DSN1: variants seen among roughly 807,000 people sequenced by gnomAD.
The protein encoded by DSN1 is kinetochore-associated protein DSN1 homolog.
Under a neutral mutation model 45.7 loss-of-function variants are expected in DSN1, and 31 were observed. The ratio of observed to expected loss-of-function variants is 0.68; its 90% CI spans 0.51 to 0.92. The LOEUF (loss-of-function observed/expected upper bound fraction) is 0.92. Ranked by LOEUF, DSN1 falls within the 40% of genes least tolerant of loss-of-function variation. The pLI is 0.00. For synonymous variants in DSN1, 134 were observed against 142.3 expected, an observed-to-expected ratio of 0.94 and a Z score of 0.41; for missense variants, 394 against 414.2, an observed-to-expected ratio of 0.95 and a Z score of 0.42.
rs1016413526 is a variant in DSN1, at chr20:36,771,518, G to A, written c.-15-45C>T. On this transcript the variant is annotated intron_variant, in intron 1 of 10. Coordinates refer to ENST00000373750, the MANE Select transcript of DSN1 (RefSeq NM_001145315.2). ...AGTGATCTGTTCTTCACGTTTCACT[G>A]CAGTCTCAATGGGGCTTTACAGCCC... 6.3e-6 allele frequency: 10 copies of A among 1,585,072 alleles called. No homozygotes were observed. In the Admixed American group the frequency reaches 1.5e-4, roughly 24 times the overall value.
At chr20:36,757,983 C>A in intron 8 of DSN1, 104 bp downstream of exon 8, 2 of 1,090,950 alleles carry the variant, frequency 1.8e-6, no homozygotes, top group Admixed American at 4.3e-5. Flanking sequence ...CTTATTGGCC[C>A]GTGAGAAAGG....
chr20:36,762,197 A>C (rs1268552744), intron 6 of DSN1, among the ~76,000 whole-genome samples: 1 of 143,116 alleles, frequency 7.0e-6, no homozygotes, highest in Non-Finnish European at 1.5e-5. Context: ...AGCTCCGCAT[A>C]CCGGGTTCAT....
chr20:36,771,945 A>C (rs1016485609), intron 1 of DSN1, among the ~76,000 whole-genome samples: 1 of 152,180 alleles, frequency 6.6e-6, no homozygotes, highest in Non-Finnish European at 1.5e-5. Flanking sequence ...CAGTAGCACA[A>C]TCTTGGCTCA....
intron 6 of DSN1, among the ~76,000 whole-genome samples, chr20:36,760,923 A>C (rs1601009720): frequency 6.6e-6 from 1 of 152,136 alleles, no homozygotes; most frequent in Admixed American, 6.6e-5. Flanking sequence ...TGCTACTTTA[A>C]ACTAAAATGT....
Position 36,770,908 on chromosome 20 carries a change from C to T in DSN1, c.320G>A (p.Arg107Gln), listed in dbSNP as rs769936599. 102 of 1,613,306 alleles carry T rather than the reference C, an allele frequency of 6.3e-5. 1 individual carries two copies. Among genetic ancestry groups the T allele is most frequent in the South Asian group, 2.2e-4 (20 of 91,058 alleles). The change falls in exon 3 of 11, where the codon CGG (arginine) becomes CAG (glutamine). Residue 107 changes from arginine (R) to glutamine (Q), a missense_variant. Transcript: ENST00000373750. ...RRASMKETNRRKSLHPIHQGI... is the reference protein window; with the variant it reads ...RRASMKETNRQKSLHPIHQGI... ...CTGGTGAATGGGATGCAGCGACTTC[C>T]GCCGGTTCGTTTCTTTCATACTTGC... is the stretch of plus-strand genomic sequence containing the variant.
At chr20:36,755,983 T>G (rs551239398) in intron 8 of DSN1, among the ~76,000 whole-genome samples, 154 bp from the exon 9 acceptor site, 18 of 151,474 alleles carry the variant, frequency 1.2e-4, no homozygotes, top group African/African-American at 2.9e-4. Context: ...TGTTTGTTTG[T>G]TTGTTTTTGA....
intron 8 of DSN1, 40 bp downstream of exon 8, chr20:36,758,047 A>AT: frequency 1.9e-6 from 3 of 1,569,964 alleles, no homozygotes; most frequent in Non-Finnish European, 2.6e-6. Flanking sequence ...ATCAAACTCC[A>AT]TAAGATTTTT....
chr20:36,753,415 A>T (rs1986483506), intron 10 of DSN1, among the ~76,000 whole-genome samples: 1 of 151,858 alleles, frequency 6.6e-6, no homozygotes. Flanking sequence ...ACATGGGCAG[A>T]TCACTTGCGG....
At chr20:36,763,261 TGGGCGTGGTGGTACACGCCTGTAATCCC>T (rs1987101547) in intron 5 of DSN1, among the ~76,000 whole-genome samples, 1 of 151,524 alleles carries the variant, frequency 6.6e-6, no homozygotes, top group Admixed American at 6.6e-5. Flanking sequence ...AAAATATACC[TGGGCGTGGTGGTACACGCCTGTAATCCC>T]GGCTACTCGG....
rs71186016 is a variant in DSN1, at chr20:36,763,410, G to GAAAA, written c.503-866_503-863dup. Among the ~76,000 whole-genome samples, 487 of 84,082 alleles carry GAAAA rather than the reference G, an allele frequency of 5.8e-3. 10 individuals carry two copies. The highest frequency in any genetic ancestry group is 9.3e-3 in the East Asian group (21 of 2,250). 55.2% of individuals were successfully genotyped at this position (84,082 alleles called of 152,430 possible). On this transcript the variant is annotated intron_variant, in intron 5 of 10. Transcript: ENST00000373750. ...AGAATGAGACTCTGTCTCAAAAAAAGAAAAAAAAAAAAAAAAAAAAAAAGA... is the reference window on the plus strand; with the variant it reads ...AGAATGAGACTCTGTCTCAAAAAAAGAAAAAAAAAAAAAAAAAAAAAAAAAAAGA...
chr20:36,754,930 C>A, intron 9 of DSN1, 80 bp from the exon 10 acceptor site: 2 of 1,206,426 alleles, frequency 1.7e-6, no homozygotes, highest in Non-Finnish European at 2.4e-6. Context: ...CAAGCTCTTG[C>A]TCAGGAGCTC....
rs6029310 is a variant in DSN1 at position 36,762,568 on chromosome 20, G to A, written c.503-20C>T. ...AAGATGCTAGACAGCACAAATTTACGTGTCATAAAATAAAGGAAATATACG... is the reference window on the plus strand; with the variant it reads ...AAGATGCTAGACAGCACAAATTTACATGTCATAAAATAAAGGAAATATACG... On this transcript the variant is annotated intron_variant, in intron 5 of 10. Coordinates refer to ENST00000373750, the MANE Select transcript of DSN1 (RefSeq NM_001145315.2). 40 of 1,603,922 alleles carry A rather than the reference G, an allele frequency of 2.5e-5. No individual in the cohort carries two copies. The highest frequency in any genetic ancestry group is 2.1e-4 in the African/African-American group (16 of 74,638).
rs150709630 is a variant in DSN1 at position 36,771,058 on chromosome 20, G to A, written c.170C>T (p.Ser57Phe). 2 of 1,614,076 alleles carry A rather than the reference G, an allele frequency of 1.2e-6. No homozygotes were observed. Among genetic ancestry groups the A allele is most frequent in the Non-Finnish European group, 1.7e-6 (2 of 1,180,052 alleles). Reference sequence around the variant, plus strand: ...ACAATTTCCCCCTTTTTTAGGGCTAGAGCCAAGGTGAATTCTTTCCTCTGA... The same window carrying A: ...ACAATTTCCCCCTTTTTTAGGGCTAAAGCCAAGGTGAATTCTTTCCTCTGA... ...GVSEERIHLG[S>F]SPKKGGNCDL... is the part of the protein sequence containing the mutation. The change falls in exon 3 of 11, where the codon TCT becomes TTT. Residue 57 changes from serine to phenylalanine, a missense_variant. Physicochemically the swap from Ser to Phe is radical, Grantham distance 155 (BLOSUM62 -2). Transcript: ENST00000373750.
intron 5 of DSN1, 28 bp downstream of exon 5, chr20:36,766,741 A>G: frequency 6.3e-7 from 1 of 1,595,844 alleles, no homozygotes; most frequent in Non-Finnish European, 8.6e-7. Context: ...GCCCAGGGTC[A>G]AAGCTCACTC....
chr20:36,751,936 C>T lies in DSN1; in HGVS notation c.*852G>A, dbSNP rs1231603208. The T allele has an allele frequency of 2.6e-5, 4 of 152,142 alleles. No homozygotes were observed. The highest frequency in any genetic ancestry group is 9.7e-5 in the African/African-American group (4 of 41,404). 9.4% of individuals were successfully genotyped at this position (152,142 alleles called of 1,614,324 possible). A position where few individuals can be genotyped will look rare whatever the true frequency, so the allele number is the denominator to read the frequency against. On this transcript the variant is annotated 3_prime_UTR_variant, in exon 11 of 11. Coordinates refer to ENST00000373750, the MANE Select transcript of DSN1 (RefSeq NM_001145315.2). ...ACTCAATATGAAAAACTGAAGCACA[C>T]TACAGACAACAGGACATAGAGAATG...
At chr20:36,754,055 C>T (rs1220230654) in intron 10 of DSN1, among the ~76,000 whole-genome samples, 1 of 151,558 alleles carries the variant, frequency 6.6e-6, no homozygotes, top group East Asian at 1.9e-4. Context: ...TGGTCAGGTG[C>T]AGTGGCTCAC....
intron 7 of DSN1, 144 bp downstream of exon 7, chr20:36,758,414 C>T (rs1235011418): frequency 4.1e-6 from 3 of 736,978 alleles, no homozygotes; most frequent in Non-Finnish European, 6.6e-6. Flanking sequence ...CCATAAAAAT[C>T]TCAATATGCA....
In DSN1 at chr20:36,755,725, A is replaced by G. The variant is rs1214097064; in HGVS notation, c.830T>C (p.Ile277Thr). Residue 277 changes from isoleucine (I) to threonine (T), a missense_variant, in exon 9 of 11, where the codon ATA becomes ACA. Physicochemically the swap from Ile to Thr is moderately conservative, Grantham distance 89. Coordinates refer to ENST00000373750, the MANE Select transcript of DSN1 (RefSeq NM_001145315.2). ...AAAGACTTTGCTCTGGTTCTGTAAT[A>G]TTTTCTGGTAGTCAGGTTTTGTATT... Reference protein sequence around the residue: ...VLNTKPDYQKILQNQSKVFDC... With the variant: ...VLNTKPDYQKTLQNQSKVFDC... 2 of 1,614,050 alleles carry G rather than the reference A, an allele frequency of 1.2e-6. No homozygotes were observed. Among genetic ancestry groups the G allele is most frequent in the South Asian group, 2.2e-5 (2 of 91,082 alleles).
chr20:36,759,698 T>C (rs1370266047), intron 6 of DSN1, among the ~76,000 whole-genome samples: 1 of 151,740 alleles, frequency 6.6e-6, no homozygotes, highest in Non-Finnish European at 1.5e-5. Flanking sequence ...TTAGCCAGGA[T>C]GGTTTCGATC....
Sources: gnomAD v4.1 joint callset for allele counts (sites outside exome capture counted in the v4.1 genomes callset) on GRCh38, gnomAD v4.1.1 for gene constraint, MANE v1.5 for transcripts, NCBI Gene and HGNC (gene_info 2026-07-23, HGNC 2026-07-21) for gene names.